The following DNER variants were observed in gnomAD, a reference collection of about 807,000 sequenced individuals.
The protein encoded by DNER is delta/notch like EGF repeat containing.
Under a neutral mutation model 78.2 loss-of-function variants are expected in DNER, and 33 were observed. The ratio of observed to expected loss-of-function variants is 0.42; its 90% confidence interval spans 0.32 to 0.56. The LOEUF is 0.56. Among genes scored for constraint, DNER ranks in the 20% least tolerant of loss-of-function variants. The probability of loss-of-function intolerance (pLI) is 0.11; values close to 1 mark genes in which losing one functional copy is unlikely to be tolerated. For missense variants in DNER, 918 were observed against 975.3 expected, an observed-to-expected ratio of 0.94 and a Z score of 0.78; for synonymous variants, 417 against 384.8, an observed-to-expected ratio of 1.08 and a Z score of -0.98.
chr2:229,496,505 T>TA (rs1695505675), intron 6 of DNER, among the ~76,000 whole-genome samples: 1 of 152,136 alleles, frequency 6.6e-6, no homozygotes, highest in Non-Finnish European at 1.5e-5. Flanking sequence ...GCAGAAGACA[T>TA]AGAGTGGATG....
Position 229,591,313 on chromosome 2 carries a change from G to T in DNER, c.585+267C>A, listed in dbSNP as rs763066357. 6.6e-6 allele frequency among the ~76,000 whole-genome samples: 1 copy of T among 152,208 alleles called. No individual in the cohort carries two copies. Among genetic ancestry groups the T allele is most frequent in the Non-Finnish European group, 1.5e-5 (1 of 68,042 alleles). On this transcript the variant is annotated intron_variant, in intron 2 of 12. Transcript: ENST00000341772. The surrounding 1 kb of genome is among the most constrained non-coding windows in gnomAD (Gnocchi z 4.6). ...TTCCTTTACATGACTACACTGAGCTGTCTTCCCCAAAATCTAAGATTATCT... is the reference window on the plus strand; with the variant it reads ...TTCCTTTACATGACTACACTGAGCTTTCTTCCCCAAAATCTAAGATTATCT...
chr2:229,415,278 TA>T, intron 9 of DNER, among the ~76,000 whole-genome samples: 1 of 152,248 alleles, frequency 6.6e-6, no homozygotes, highest in Non-Finnish European at 1.5e-5. Flanking sequence ...CACGAGGATA[TA>T]AGTTCTGCCA....
Position 229,714,379 on chromosome 2 carries a change from G to C in DNER, c.45C>G (p.Pro15=). 8.3e-7 allele frequency: 1 copy of C among 1,211,800 alleles called. No homozygotes were observed. The highest frequency in any genetic ancestry group is 1.0e-6 in the Non-Finnish European group (1 of 978,126). 75.1% of individuals were successfully genotyped at this position (1,211,800 alleles called of 1,614,324 possible). ...GCAGCAGCAGCAGCAGGGCCAGCGC[G>C]GGCAGCAGCTGCGCACCGGGCGCCT... ...RAQAPGAQLL[P]ALALLLLLLG... The change falls in exon 1 of 13, where the codon CCC becomes CCG. Residue 15 remains proline, a synonymous_variant. Transcript: ENST00000341772.
At chr2:229,622,124 A>G (rs1311407955) in intron 1 of DNER, among the ~76,000 whole-genome samples, 2 of 152,200 alleles carry the variant, frequency 1.3e-5, no homozygotes, top group African/African-American at 2.4e-5. Flanking sequence ...GAAATTGCAT[A>G]TAAATAATTA....
chr2:229,643,947 A>G (rs941211861), intron 1 of DNER, among the ~76,000 whole-genome samples: 3 of 152,082 alleles, frequency 2.0e-5, no homozygotes, highest in African/African-American at 7.2e-5. Flanking sequence ...GAAGGGTAAG[A>G]ACCACGCAAA....
chr2:229,407,228 T>A lies in DNER; in HGVS notation c.1723+4A>T. ...TTGAAAACTCAGTCCCTGGAATCACTTGCCTGTAAACCCGGGTGCACAGAT... is the reference window on the plus strand; with the variant it reads ...TTGAAAACTCAGTCCCTGGAATCACATGCCTGTAAACCCGGGTGCACAGAT... On this transcript the variant is annotated splice_donor_region_variant and intron_variant, in intron 10 of 12. Transcript: ENST00000341772. 2 of 1,599,034 alleles carry A rather than the reference T, an allele frequency of 1.3e-6. No homozygotes were observed. The highest frequency in any genetic ancestry group is 1.7e-6 in the Non-Finnish European group (2 of 1,167,714).
intron 4 of DNER, among the ~76,000 whole-genome samples, chr2:229,548,390 C>T (rs1259518713): frequency 1.3e-5 from 2 of 152,216 alleles, no homozygotes; most frequent in Non-Finnish European, 2.9e-5. Flanking sequence ...GACACATATA[C>T]ACCGTGGAAT....
intron 4 of DNER, among the ~76,000 whole-genome samples, chr2:229,583,818 C>T (rs1697445246): frequency 6.6e-6 from 1 of 152,140 alleles, no homozygotes; most frequent in Admixed American, 6.5e-5. Flanking sequence ...CTTTATCACA[C>T]AATTTCTGAT....
chr2:229,415,275 A>C (rs2106347787), intron 9 of DNER, among the ~76,000 whole-genome samples: 1 of 152,270 alleles, frequency 6.6e-6, no homozygotes, highest in Middle Eastern at 3.4e-3. Context: ...AGCCACGAGG[A>C]TATAAGTTCT....
chr2:229,615,327 T>C (rs1356041565), intron 1 of DNER, among the ~76,000 whole-genome samples: 1 of 150,572 alleles, frequency 6.6e-6, no homozygotes. Context: ...AGAAGAATCG[T>C]TTGAACCTTG....
intron 10 of DNER, among the ~76,000 whole-genome samples, chr2:229,401,521 A>G (rs2106341653): frequency 6.6e-6 from 1 of 152,216 alleles, no homozygotes; most frequent in African/African-American, 2.4e-5. Flanking sequence ...TTGACCCAAA[A>G]TAACCTGGAT....
At chr2:229,695,272 C>T (rs941485434) in intron 1 of DNER, among the ~76,000 whole-genome samples, 7 of 152,150 alleles carry the variant, frequency 4.6e-5, no homozygotes, top group Non-Finnish European at 8.8e-5. Context: ...TACACAGTCT[C>T]ATCATCTATC....
intron 8 of DNER, among the ~76,000 whole-genome samples, chr2:229,420,106 G>T (rs1040540657): frequency 6.6e-6 from 1 of 151,652 alleles, no homozygotes; most frequent in African/African-American, 2.4e-5. Context: ...GCCTGTTTTT[G>T]CAAATAAAGT....
chr2:229,471,083 G>A (rs944017471), intron 7 of DNER, among the ~76,000 whole-genome samples: 2 of 151,782 alleles, frequency 1.3e-5, no homozygotes, highest in African/African-American at 2.4e-5. Flanking sequence ...TAAATACATG[G>A]AGTTTCATAT....
intron 6 of DNER, among the ~76,000 whole-genome samples, chr2:229,505,387 A>G (rs1242432192): frequency 2.0e-5 from 3 of 152,208 alleles, no homozygotes; most frequent in African/African-American, 7.2e-5. Context: ...TTATGATGCC[A>G]AGGTAACATT....
chr2:229,370,199 C>T (rs186621735), intron 11 of DNER, among the ~76,000 whole-genome samples: 155 of 152,270 alleles, frequency 1.0e-3, no homozygotes, highest in African/African-American at 3.3e-3. Flanking sequence ...GATAGACACC[C>T]AAACAGGGGG....
chr2:229,666,251 G>A (rs1238361384), intron 1 of DNER, among the ~76,000 whole-genome samples: 4 of 151,974 alleles, frequency 2.6e-5, no homozygotes, highest in Admixed American at 6.6e-5. Flanking sequence ...TGCAACCTAC[G>A]GGTGGTCACC....
At chr2:229,472,327 C>G (rs1355100919) in intron 7 of DNER, among the ~76,000 whole-genome samples, 1 of 152,150 alleles carries the variant, frequency 6.6e-6, no homozygotes, top group Non-Finnish European at 1.5e-5. Flanking sequence ...TCCGTTTGAC[C>G]AGCTGTGCTC....
At chr2:229,571,284 AAGCCACACTC>A (rs1697214679) in intron 4 of DNER, among the ~76,000 whole-genome samples, 1 of 152,014 alleles carries the variant, frequency 6.6e-6, no homozygotes, top group South Asian at 2.1e-4. Context: ...CAGAAGAGGG[AAGCCACACTC>A]AGAGTTTACC....
Sources: gnomAD v4.1 joint callset for allele counts (sites outside exome capture counted in the v4.1 genomes callset) on GRCh38, gnomAD v4.1.1 for gene constraint, Gnocchi (gnomAD v3.1) non-coding constraint, MANE v1.5 for transcripts, NCBI Gene and HGNC (gene_info 2026-07-23, HGNC 2026-07-21) for gene names.